Variants in PPP2R2B observed in about 807,000 individuals in gnomAD.
PPP2R2B encodes the protein protein phosphatase 2 regulatory subunit Bbeta.
Under a neutral mutation model 46.0 loss-of-function variants are expected in PPP2R2B, and 5 were observed. That is an observed-to-expected ratio of 0.11 (90% CI 0.06 to 0.23). PPP2R2B has a LOEUF of 0.23. Ranked by LOEUF, PPP2R2B falls within the 10% of genes least tolerant of loss-of-function variation. The probability of loss-of-function intolerance (pLI) is 1.00; values close to 1 mark genes in which losing one functional copy is unlikely to be tolerated. For synonymous variants in PPP2R2B, 215 were observed against 206.7 expected (o/e 1.04, Z -0.34); for missense variants, 367 against 575.0 (o/e 0.64, Z 3.70).
At position 146,863,033 on chromosome 5, in the gene PPP2R2B, CT is replaced by C. The variant is rs34512431; in HGVS notation, c.70+14968del. Among the ~76,000 whole-genome samples the C allele has an allele frequency of 4.8e-3, 695 of 143,524 alleles. 7 individuals are homozygous for C. The highest frequency in any genetic ancestry group is 0.014 in the African/African-American group (567 of 39,388). The allele number at this position is 143,524 out of a possible 152,430, so 94.2% of individuals were successfully genotyped here. ...CAATACGATAATCAGACTGCTTTTGCTTTTTTTTTTTTCCACAGTGCACAGA... is the reference window on the plus strand; with the variant it reads ...CAATACGATAATCAGACTGCTTTTGCTTTTTTTTTTTCCACAGTGCACAGA... On this transcript the variant is annotated intron_variant, in intron 2 of 9. Coordinates refer to ENST00000394411, the MANE Select transcript of PPP2R2B (RefSeq NM_181675.4).
At chr5:147,031,376 G>T (rs1442781759) in intron 1 of PPP2R2B, among the ~76,000 whole-genome samples, 2 of 152,026 alleles carry the variant, frequency 1.3e-5, no homozygotes, top group East Asian at 3.9e-4. Context: ...TTAAAATTCA[G>T]CTGTCCAACT....
At chr5:146,655,060 G>T (rs1471704388) in intron 5 of PPP2R2B, among the ~76,000 whole-genome samples, 2 of 152,144 alleles carry the variant, frequency 1.3e-5, no homozygotes, top group Non-Finnish European at 2.9e-5. Flanking sequence ...TCAGTCCTTG[G>T]CCTGTCTGCA....
chr5:146,981,616 T>C (rs888467341), intron 1 of PPP2R2B, among the ~76,000 whole-genome samples: 10 of 152,276 alleles, frequency 6.6e-5, no homozygotes, highest in Middle Eastern at 3.4e-3. Flanking sequence ...CTTATCTCAA[T>C]AGTAACTTCT....
chr5:146,663,988 C>T (rs1450565642), intron 5 of PPP2R2B, among the ~76,000 whole-genome samples: 5 of 151,994 alleles, frequency 3.3e-5, no homozygotes, highest in Non-Finnish European at 7.4e-5. Flanking sequence ...ATTACAGGCA[C>T]GTGCCACCAC....
chr5:147,019,443 A>G (rs1457869636), intron 1 of PPP2R2B, among the ~76,000 whole-genome samples: 4 of 152,210 alleles, frequency 2.6e-5, no homozygotes, highest in Non-Finnish European at 5.9e-5. Flanking sequence ...AGTGGAATGT[A>G]TGTATACAAT....
chr5:146,937,295 C>G (rs182868186), intron 1 of PPP2R2B, among the ~76,000 whole-genome samples: 1 of 149,998 alleles, frequency 6.7e-6, no homozygotes, highest in African/African-American at 2.5e-5. Context: ...AGTGAGACTC[C>G]GTCTCAGAAA....
At position 146,623,903 on chromosome 5, in the gene PPP2R2B, C is replaced by T. The variant is rs149921332; in HGVS notation, c.790+14348G>A. On this transcript the variant is annotated intron_variant, in intron 7 of 9. Transcript: ENST00000394411. Reference sequence around the variant, plus strand: ...TCTCACAATTCAGTTACTGATGCTACCTACTGAGCTGTCAAAATAGAATTA... The same window carrying T: ...TCTCACAATTCAGTTACTGATGCTATCTACTGAGCTGTCAAAATAGAATTA... Among the ~76,000 whole-genome samples the T allele has an allele frequency of 4.8e-3, 733 of 152,232 alleles. 2 individuals carry two copies. Among genetic ancestry groups the T allele is most frequent in the Non-Finnish European group, 7.3e-3 (497 of 68,022 alleles).
intron 2 of PPP2R2B, among the ~76,000 whole-genome samples, chr5:146,736,031 G>A (rs948173948): frequency 1.5e-4 from 23 of 152,098 alleles, no homozygotes; most frequent in Admixed American, 7.9e-4. Context: ...TTATGGGAGG[G>A]ACCAGGTGGA....
At chr5:146,895,731 T>C (rs755570218) in intron 1 of PPP2R2B, among the ~76,000 whole-genome samples, 32 of 152,214 alleles carry the variant, frequency 2.1e-4, no homozygotes, top group Middle Eastern at 3.2e-3. Flanking sequence ...TACTATTTTG[T>C]AATATGTTTA....
At chr5:146,864,275 T>C (rs888827099) in intron 2 of PPP2R2B, among the ~76,000 whole-genome samples, 4 of 151,788 alleles carry the variant, frequency 2.6e-5, no homozygotes, top group Admixed American at 1.3e-4. Flanking sequence ...GATTAAACAA[T>C]AGTGCCAGTT....
intron 1 of PPP2R2B, among the ~76,000 whole-genome samples, chr5:146,947,679 A>G (rs1425568311): frequency 6.6e-6 from 1 of 151,920 alleles, no homozygotes; most frequent in Non-Finnish European, 1.5e-5. Context: ...TTGTTGCTCA[A>G]ATCACTTAGA....
intron 1 of PPP2R2B, among the ~76,000 whole-genome samples, chr5:146,967,037 G>T (rs1752449473): frequency 6.6e-6 from 1 of 152,076 alleles, no homozygotes; most frequent in Admixed American, 6.6e-5. Flanking sequence ...CTATTTTACA[G>T]ATTTGAAAGC....
intron 2 of PPP2R2B, among the ~76,000 whole-genome samples, chr5:146,774,471 G>A (rs904789414): frequency 1.3e-5 from 2 of 151,896 alleles, no homozygotes; most frequent in Non-Finnish European, 2.9e-5. Flanking sequence ...AAAGTGGGGG[G>A]TTGTATACTA....
At chr5:146,775,074 C>T (rs6877783) in intron 2 of PPP2R2B, among the ~76,000 whole-genome samples, 95 of 152,228 alleles carry the variant, frequency 6.2e-4, no homozygotes, top group African/African-American at 2.3e-3. Flanking sequence ...TAACACCAAT[C>T]CTTCTCAAAC....
rs137943377 is a variant in PPP2R2B, at chr5:146,768,935, C to T, written c.71-67793G>A. 9.8e-3 allele frequency among the ~76,000 whole-genome samples: 1,473 copies of T among 150,998 alleles called. 14 individuals carry two copies. Among genetic ancestry groups the T allele is most frequent in the Non-Finnish European group, 0.013 (915 of 67,830 alleles). On this transcript the variant is annotated intron_variant, in intron 2 of 9. Coordinates refer to ENST00000394411, the MANE Select transcript of PPP2R2B (RefSeq NM_181675.4). Reference sequence around the variant, plus strand: ...TCTCTCACTCTGCCTCTCACTGAGGCTGAGGCTGAATTGCTCACTTTAACC... The same window carrying T: ...TCTCTCACTCTGCCTCTCACTGAGGTTGAGGCTGAATTGCTCACTTTAACC...
At chr5:146,893,929 C>A (rs1400263651) in intron 1 of PPP2R2B, among the ~76,000 whole-genome samples, 4 of 150,820 alleles carry the variant, frequency 2.7e-5, no homozygotes, top group Non-Finnish European at 5.9e-5. Context: ...ACCTCTAATT[C>A]CAGCTACTCG....
At chr5:146,669,897 T>A (rs551730827) in intron 5 of PPP2R2B, among the ~76,000 whole-genome samples, 1 of 152,302 alleles carries the variant, frequency 6.6e-6, no homozygotes, top group Non-Finnish European at 1.5e-5. Context: ...CGTTACTATA[T>A]TTCCAGTATA....
At chr5:146,835,288 A>G (rs1276995588) in intron 2 of PPP2R2B, among the ~76,000 whole-genome samples, 3 of 152,312 alleles carry the variant, frequency 2.0e-5, no homozygotes, top group African/African-American at 7.2e-5. Flanking sequence ...ATATTAAAAT[A>G]TTTCCTCAAA....
rs1044900944 is a variant in PPP2R2B, at chr5:146,586,916, A to G, written c.*3031T>C. 1 of 152,098 alleles carries G rather than the reference A, an allele frequency of 6.6e-6. No individual in the cohort carries two copies. Among genetic ancestry groups the G allele is most frequent in the Non-Finnish European group, 1.5e-5 (1 of 68,026 alleles). 9.4% of individuals were successfully genotyped at this position (152,098 alleles called of 1,614,324 possible). A position where few individuals can be genotyped will look rare whatever the true frequency, so the allele number is the denominator to read the frequency against. Reference sequence around the variant, plus strand: ...TGTCTACCAAAGTTCAGCTTTTTGCATTACTTGTTTTTAACGTCAGGAACT... The same window carrying G: ...TGTCTACCAAAGTTCAGCTTTTTGCGTTACTTGTTTTTAACGTCAGGAACT... On this transcript the variant is annotated 3_prime_UTR_variant, in exon 10 of 10. Transcript: ENST00000394411.
Sources: gnomAD v4.1 joint callset for allele counts (sites outside exome capture counted in the v4.1 genomes callset) on GRCh38, gnomAD v4.1.1 for gene constraint, MANE v1.5 for transcripts, NCBI Gene and HGNC (gene_info 2026-07-23, HGNC 2026-07-21) for gene names.